PCDHGA2: variants seen among roughly 807,000 people sequenced by gnomAD.
PCDHGA2 encodes the protein protocadherin gamma subfamily A, 2.
PCDHGA2 carries 40 observed loss-of-function variants against 59.2 expected under a neutral mutation model. That is an observed-to-expected ratio of 0.68 (90% CI 0.52 to 0.88). The LOEUF is 0.88. PCDHGA2 is among the 40% of genes least tolerant of loss of function. PCDHGA2 has a pLI of 0.00. For missense variants in PCDHGA2, 1,226 were observed against 1,204.0 expected, an observed-to-expected ratio of 1.02 and a Z score of -0.27; for synonymous variants, 560 against 526.0, an observed-to-expected ratio of 1.06 and a Z score of -0.89.
intron 1 of PCDHGA2, chr5:141,430,555 TC>T (rs1232264614): frequency 9.7e-6 from 4 of 411,788 alleles, no homozygotes; most frequent in Non-Finnish European, 1.3e-5. Flanking sequence ...TGTTCACCAA[TC>T]GGGGAGAGAA....
At position 141,375,547 on chromosome 5, in the gene PCDHGA2, C is replaced by T. The variant is rs1261585486; in HGVS notation, c.2424+34152C>T. ...ACGTGGACCAGAACGCCCAAGTCTC[C>T]TACTCACTGGCAGAAGACACCCTCC... is the stretch of plus-strand genomic sequence containing the variant. On this transcript the variant is annotated intron_variant, in intron 1 of 3. Coordinates refer to ENST00000394576, the MANE Select transcript of PCDHGA2 (RefSeq NM_018915.4). 6 of 1,613,922 alleles carry T rather than the reference C, an allele frequency of 3.7e-6. No individual in the cohort carries two copies. In the African/African-American group the frequency reaches 8.0e-5, roughly 22 times the overall value.
chr5:141,430,826 CTG>C (rs2097313923), intron 1 of PCDHGA2: 1 of 1,550,416 alleles, frequency 6.4e-7, no homozygotes, highest in Non-Finnish European at 8.7e-7. Context: ...CCTGGGGACT[CTG>C]TGGGAGACCG....
In PCDHGA2 at chr5:141,340,897, C is replaced by T; in HGVS notation, c.1926C>T (p.Leu642=). The stretch of plus-strand genomic sequence containing the variant: ...ACAGAGACGCGCTCAAGCAGAGCCT[C>T]GTGGTGGCCATCCAGGACCACGGCC... ...LLDRDALKQS[L]VVAIQDHGQP... The change falls in exon 1 of 4, where the codon CTC becomes CTT. Residue 642 remains leucine (L), a synonymous_variant. Coordinates refer to ENST00000394576, the MANE Select transcript of PCDHGA2 (RefSeq NM_018915.4). 6.2e-7 allele frequency: 1 copy of T among 1,613,718 alleles called. No homozygotes were observed. Among genetic ancestry groups the T allele is most frequent in the Non-Finnish European group, 8.5e-7 (1 of 1,179,932 alleles).
intron 1 of PCDHGA2, chr5:141,361,939 G>A: frequency 1.2e-6 from 2 of 1,605,654 alleles, no homozygotes; most frequent in African/African-American, 2.7e-5. Flanking sequence ...AGGACACAAC[G>A]CTTGGCTGTC....
intron 2 of PCDHGA2, among the ~76,000 whole-genome samples, chr5:141,504,968 C>A (rs1377016827): frequency 1.3e-5 from 2 of 152,206 alleles, no homozygotes; most frequent in East Asian, 3.9e-4. Context: ...ATTGGACCAG[C>A]CTGGCCAACA....
At chr5:141,406,002 A>G (rs1348687108) in intron 1 of PCDHGA2, among the ~76,000 whole-genome samples, 1 of 151,598 alleles carries the variant, frequency 6.6e-6, no homozygotes, top group Non-Finnish European at 1.5e-5. Flanking sequence ...CTCAGCCTGC[A>G]TTGATGTGGG....
intron 1 of PCDHGA2, chr5:141,372,467 C>T: frequency 6.2e-7 from 1 of 1,614,050 alleles, no homozygotes; most frequent in Non-Finnish European, 8.5e-7. Flanking sequence ...TACAGTTTCA[C>T]CTAGTAGTGG....
At chr5:141,438,996 A>G (rs2098080427) in intron 1 of PCDHGA2, among the ~76,000 whole-genome samples, 1 of 151,634 alleles carries the variant, frequency 6.6e-6, no homozygotes, top group African/African-American at 2.4e-5. Flanking sequence ...AAGGCTAAGG[A>G]CCTGGTTTGT....
chr5:141,404,159 A>C, intron 1 of PCDHGA2: 1 of 1,613,114 alleles, frequency 6.2e-7, no homozygotes, highest in South Asian at 1.1e-5. Flanking sequence ...AGATTATTAC[A>C]GATTGTTGAC....
At chr5:141,421,529 C>T in intron 1 of PCDHGA2, 1 of 1,614,020 alleles carries the variant, frequency 6.2e-7, no homozygotes, top group Non-Finnish European at 8.5e-7. Flanking sequence ...GAGACGGTGT[C>T]CTCCTGTTTT....
intron 1 of PCDHGA2, chr5:141,345,606 T>C: frequency 1.2e-6 from 2 of 1,614,058 alleles, no homozygotes; most frequent in South Asian, 1.1e-5. Flanking sequence ...CTACGAGCAA[T>C]TTAGAGACTT....
chr5:141,483,606 C>T (rs1460635551), intron 1 of PCDHGA2, among the ~76,000 whole-genome samples: 1 of 151,984 alleles, frequency 6.6e-6, no homozygotes, highest in Non-Finnish European at 1.5e-5. Flanking sequence ...CTGGTTTACA[C>T]CTCCATCATT....
intron 1 of PCDHGA2, chr5:141,366,223 C>A: frequency 1.1e-5 from 17 of 1,613,836 alleles, no homozygotes; most frequent in Non-Finnish European, 1.4e-5. Context: ...CAGCGCGAGC[C>A]CTGCTGGACA....
intron 1 of PCDHGA2, chr5:141,374,479 A>T (rs756371683): frequency 1.2e-6 from 2 of 1,611,840 alleles, no homozygotes; most frequent in Non-Finnish European, 1.7e-6. Flanking sequence ...ATACACCCCG[A>T]TTCTTAAAGG....
chr5:141,415,194 C>T (rs1252476580), intron 1 of PCDHGA2: 2 of 1,614,064 alleles, frequency 1.2e-6, no homozygotes, highest in Non-Finnish European at 1.7e-6. Context: ...ACAGCATCCC[C>T]CAAGTCCTGG....
chr5:141,365,603 A>C (rs1198770505), intron 1 of PCDHGA2: 2 of 1,613,602 alleles, frequency 1.2e-6, no homozygotes, highest in Non-Finnish European at 1.7e-6. Flanking sequence ...TTTAACCGTC[A>C]TGGACCATGG....
intron 1 of PCDHGA2, chr5:141,414,230 C>G (rs367888906): frequency 6.2e-7 from 1 of 1,613,190 alleles, no homozygotes; most frequent in Non-Finnish European, 8.5e-7. Flanking sequence ...CCAGAGCTGA[C>G]CATCACGTCT....
intron 1 of PCDHGA2, chr5:141,428,142 C>A: frequency 6.3e-7 from 1 of 1,594,260 alleles, no homozygotes; most frequent in Non-Finnish European, 8.6e-7. Flanking sequence ...CCTGGGGCTG[C>A]ACACGGGAAC....
At chr5:141,423,090 G>A in intron 1 of PCDHGA2, 2 of 1,614,022 alleles carry the variant, frequency 1.2e-6, no homozygotes, top group Non-Finnish European at 1.7e-6. Flanking sequence ...TCGCGGTGGG[G>A]GAGCACACGG....
Sources: gnomAD v4.1 joint callset for allele counts (sites outside exome capture counted in the v4.1 genomes callset) on GRCh38, gnomAD v4.1.1 for gene constraint, MANE v1.5 for transcripts, NCBI Gene and HGNC (gene_info 2026-07-23, HGNC 2026-07-21) for gene names.